PRDM16: variants seen among roughly 807,000 people sequenced by gnomAD.
PRDM16 encodes the protein PR/SET domain 16, also known as histone-lysine N-methyltransferase PRDM16.
PRDM16 carries 23 observed loss-of-function variants against 110.6 expected under a neutral mutation model. The ratio of observed to expected loss-of-function variants is 0.21; its 90% CI spans 0.15 to 0.29. The LOEUF (loss-of-function observed/expected upper bound fraction) is 0.29. Among genes scored for constraint, PRDM16 ranks in the 10% least tolerant of loss-of-function variants. The pLI is 1.00. For missense variants in PRDM16, 1,615 were observed against 1,794.3 expected, an observed-to-expected ratio of 0.90 and a Z score of 1.81; for synonymous variants, 799 against 781.8, an observed-to-expected ratio of 1.02 and a Z score of -0.37.
At chr1:3,268,395 G>A (rs1640349329) in intron 3 of PRDM16, among the ~76,000 whole-genome samples, 1 of 152,248 alleles carries the variant, frequency 6.6e-6, no homozygotes, top group Admixed American at 6.5e-5. Flanking sequence ...TACAGCAGTG[G>A]CAGGATAATT....
intron 3 of PRDM16, among the ~76,000 whole-genome samples, chr1:3,305,669 C>T (rs1017705854): frequency 7.9e-5 from 12 of 152,230 alleles, no homozygotes; most frequent in African/African-American, 2.4e-4. Context: ...GAAAGCGCCC[C>T]GTGGAAAACG....
intron 3 of PRDM16, among the ~76,000 whole-genome samples, chr1:3,268,923 G>A (rs1334818699): frequency 1.3e-5 from 2 of 152,216 alleles, no homozygotes; most frequent in Admixed American, 6.5e-5. Context: ...TTTTCATTTC[G>A]CTTTACCTGA....
At chr1:3,183,889 G>C (rs1481159176) in intron 1 of PRDM16, among the ~76,000 whole-genome samples, 1 of 152,178 alleles carries the variant, frequency 6.6e-6, no homozygotes, top group Non-Finnish European at 1.5e-5. Context: ...GCCCACGCCC[G>C]AGAGGAGTTA....
chr1:3,402,052 C>T lies in PRDM16; in HGVS notation c.677-739C>T, dbSNP rs938367806. Among the ~76,000 whole-genome samples the T allele has an allele frequency of 1.3e-4, 20 of 152,382 alleles. 1 individual carries two copies. Among genetic ancestry groups the T allele is most frequent in the Admixed American group, 1.0e-3 (16 of 15,310 alleles). ...AGATATGCTGAGATATTCACACTTA[C>T]GTGTGCATACACAGCTGCCTGCTCA... On this transcript the variant is annotated intron_variant, in intron 5 of 16. Transcript: ENST00000270722.
chr1:3,111,620 C>T (rs1176669308), intron 1 of PRDM16, among the ~76,000 whole-genome samples: 2 of 151,986 alleles, frequency 1.3e-5, no homozygotes, highest in African/African-American at 2.4e-5. Flanking sequence ...GCCCAGCGCA[C>T]GGAAAGGAGG....
Position 3,425,474 on chromosome 1 carries a change from C to T in PRDM16, c.2940-107C>T. ...CGGGACACGGCGGGGCAAAGCTGTG[C>T]ACGGGGCACGGGGCAGGGGCGCGGG... On this transcript the variant is annotated intron_variant, in intron 12 of 16. Transcript: ENST00000270722. This position sits in a 1 kb window ranked among gnomAD's most constrained non-coding sequence, Gnocchi z 6.9. 1 of 1,229,750 alleles carries T rather than the reference C, an allele frequency of 8.1e-7. No individual in the cohort carries two copies. Among genetic ancestry groups the T allele is most frequent in the South Asian group, 1.4e-5 (1 of 69,446 alleles). 76.2% of individuals were successfully genotyped at this position (1,229,750 alleles called of 1,614,324 possible). A position where few individuals can be genotyped will look rare whatever the true frequency, so the allele number is the denominator to read the frequency against.
intron 1 of PRDM16, among the ~76,000 whole-genome samples, chr1:3,101,437 T>G (rs1331921627): frequency 6.6e-6 from 1 of 152,236 alleles, no homozygotes; most frequent in African/African-American, 2.4e-5. Flanking sequence ...TTATCTGTCC[T>G]GAATGGGCAG....
At chr1:3,355,833 G>T (rs1642585212) in intron 3 of PRDM16, among the ~76,000 whole-genome samples, 2 of 152,194 alleles carry the variant, frequency 1.3e-5, no homozygotes, top group Non-Finnish European at 1.5e-5. Flanking sequence ...TCAGAGGCCA[G>T]TCCTGCCCGC....
intron 1 of PRDM16, among the ~76,000 whole-genome samples, chr1:3,074,432 C>CGT (rs1015408366): frequency 1.3e-5 from 2 of 151,398 alleles, no homozygotes; most frequent in Non-Finnish European, 2.9e-5. Flanking sequence ...TGTGTGTGCG[C>CGT]GTGTGTGTGT....
chr1:3,106,465 T>C (rs1397028225), intron 1 of PRDM16, among the ~76,000 whole-genome samples: 1 of 151,900 alleles, frequency 6.6e-6, no homozygotes, highest in Non-Finnish European at 1.5e-5. Flanking sequence ...TGGTGCGAGA[T>C]GGATAGCTTT....
chr1:3,418,839 C>A, intron 12 of PRDM16, 95 bp downstream of exon 12: 2 of 980,504 alleles, frequency 2.0e-6, no homozygotes, highest in Admixed American at 3.6e-5. Flanking sequence ...TCCCAGGGCT[C>A]CCTGCTGGAG....
intron 5 of PRDM16, among the ~76,000 whole-genome samples, chr1:3,396,913 G>A (rs1354368941): frequency 6.6e-6 from 1 of 152,202 alleles, no homozygotes; most frequent in Non-Finnish European, 1.5e-5. Flanking sequence ...CAATGTTAGG[G>A]TCCCAGGTGA....
Position 3,213,159 on chromosome 1 carries a change from C to T in PRDM16, c.387+26685C>T, listed in dbSNP as rs77207402. Among the ~76,000 whole-genome samples, 137 of 152,318 alleles carry T rather than the reference C, an allele frequency of 9.0e-4. No individual in the cohort carries two copies. The highest frequency in any genetic ancestry group is 3.4e-3 in the Middle Eastern group (1 of 294). On this transcript the variant is annotated intron_variant, in intron 2 of 16. Coordinates refer to ENST00000270722, the MANE Select transcript of PRDM16 (RefSeq NM_022114.4). This position sits in a 1 kb window ranked among gnomAD's most constrained non-coding sequence, Gnocchi z 5.3. ...CCTCTGCCAAAAAAGGAAATGCCAC[C>T]GCCAACAGCAACAGAAACACAGATT... is the stretch of plus-strand genomic sequence containing the variant.
At chr1:3,273,823 T>A (rs143449893) in intron 3 of PRDM16, among the ~76,000 whole-genome samples, 16,636 of 127,040 alleles carry the variant, frequency 0.13, 1,242 homozygotes, top group Admixed American at 0.27. Flanking sequence ...TGTAAGTGTG[T>A]GTGTGTGTGT....
rs771286684 is a variant in PRDM16 at position 3,412,072 on chromosome 1, G to A, written c.1875G>A (p.Leu625=). The change falls in exon 9 of 17, where the codon CTG becomes CTA. Residue 625 remains leucine (L), a synonymous_variant. Coordinates refer to ENST00000270722, the MANE Select transcript of PRDM16 (RefSeq NM_022114.4). ...CGACCACGGGGACGGGCTCGGACCTGGACAGCGACGTGGACAGCGACCCTG... is the reference window on the plus strand; with the variant it reads ...CGACCACGGGGACGGGCTCGGACCTAGACAGCGACGTGGACAGCGACCCTG... ...LDTTTGTGSD[L]DSDVDSDPDK... The A allele has an allele frequency of 6.2e-7, 1 of 1,601,584 alleles. No individual in the cohort carries two copies. The highest frequency in any genetic ancestry group is 2.2e-5 in the East Asian group (1 of 44,666).
intron 1 of PRDM16, among the ~76,000 whole-genome samples, chr1:3,163,455 G>A (rs2742673): frequency 7.8e-6 from 1 of 128,090 alleles, no homozygotes; most frequent in African/African-American, 2.7e-5. Flanking sequence ...CACCTCTGAC[G>A]GTCCAGCCCA....
At chr1:3,202,480 G>A (rs1217983386) in intron 2 of PRDM16, among the ~76,000 whole-genome samples, 1 of 152,178 alleles carries the variant, frequency 6.6e-6, no homozygotes, top group Non-Finnish European at 1.5e-5. Flanking sequence ...GGTCACAGGC[G>A]ACTTCAGAAT....
chr1:3,183,273 G>C (rs1158013339), intron 1 of PRDM16, among the ~76,000 whole-genome samples: 26 of 152,310 alleles, frequency 1.7e-4, no homozygotes, highest in Non-Finnish European at 1.5e-5. Flanking sequence ...ACCCTCTCGG[G>C]GGCATCCTGG....
At chr1:3,296,903 T>C (rs56215230) in intron 3 of PRDM16, among the ~76,000 whole-genome samples, 8,479 of 152,210 alleles carry the variant, frequency 0.056, 781 homozygotes, top group African/African-American at 0.19. Flanking sequence ...GCAGCACGGC[T>C]TAGCCTCACC....
Sources: gnomAD v4.1 joint callset for allele counts (sites outside exome capture counted in the v4.1 genomes callset) on GRCh38, gnomAD v4.1.1 for gene constraint, Gnocchi (gnomAD v3.1) non-coding constraint, MANE v1.5 for transcripts, NCBI Gene and HGNC (gene_info 2026-07-23, HGNC 2026-07-21) for gene names.